SDK1: variants seen among roughly 807,000 people sequenced by gnomAD.
SDK1 encodes the protein sidekick cell adhesion molecule 1, also known as protein sidekick-1.
SDK1 carries 157 observed loss-of-function variants against 245.5 expected under a neutral mutation model. The ratio of observed to expected loss-of-function variants is 0.64; its 90% CI spans 0.56 to 0.73. The LOEUF (loss-of-function observed/expected upper bound fraction) is 0.73, where lower values mean the gene tolerates loss of function less well. Among genes scored for constraint, SDK1 ranks in the 30% least tolerant of loss-of-function variants. The pLI is 0.00. For synonymous variants in SDK1, 1,647 were observed against 1,278.5 expected, an observed-to-expected ratio of 1.29 and a Z score of -6.15; for missense variants, 3,583 against 3,002.3, an observed-to-expected ratio of 1.19 and a Z score of -4.52.
chr7:4,030,099 C>T (rs1020158251), intron 17 of SDK1, among the ~76,000 whole-genome samples: 5 of 152,096 alleles, frequency 3.3e-5, no homozygotes, highest in Admixed American at 6.5e-5. Flanking sequence ...GCTAGATGCG[C>T]GTCAAGCATC....
At chr7:4,097,891 T>G (rs1782264664) in intron 22 of SDK1, among the ~76,000 whole-genome samples, 1 of 152,198 alleles carries the variant, frequency 6.6e-6, no homozygotes, top group South Asian at 2.1e-4. Context: ...GAGCTGTCAT[T>G]GGCCCTAATG....
At chr7:4,173,339 G>A (rs549728587) in intron 32 of SDK1, among the ~76,000 whole-genome samples, 9 of 152,310 alleles carry the variant, frequency 5.9e-5, no homozygotes, top group African/African-American at 2.2e-4. Context: ...CTCAGTCTCA[G>A]ATTTGTCTCC....
intron 4 of SDK1, among the ~76,000 whole-genome samples, chr7:3,705,112 C>G (rs944241130): frequency 2.6e-5 from 4 of 152,118 alleles, no homozygotes; most frequent in Non-Finnish European, 4.4e-5. Flanking sequence ...AATTTGAAGT[C>G]TGGCAATGTG....
rs375741213 is a variant in SDK1 at position 3,353,744 on chromosome 7, AG to A, written c.298+51863del. On this transcript the variant is annotated intron_variant, in intron 1 of 44. Transcript: ENST00000404826. ...CAAGGATGATACAGTTCATGGTTAA[AG>A]GGAGCATGCTTCCTTTTGCTGGTGA... Among the ~76,000 whole-genome samples the A allele has an allele frequency of 2.9e-3, 447 of 152,320 alleles. 7 individuals are homozygous for A. Among genetic ancestry groups the A allele is most frequent in the African/African-American group, 0.01 (423 of 41,572 alleles).
intron 4 of SDK1, among the ~76,000 whole-genome samples, chr7:3,726,754 C>G (rs1301866281): frequency 1.3e-5 from 2 of 152,174 alleles, no homozygotes; most frequent in African/African-American, 2.4e-5. Flanking sequence ...TCCTCAGTAC[C>G]AGCAGACCTT....
chr7:4,091,584 C>A (rs1363691877), intron 22 of SDK1, among the ~76,000 whole-genome samples: 2 of 152,002 alleles, frequency 1.3e-5, no homozygotes, highest in Non-Finnish European at 2.9e-5. Context: ...CTCAGGTGAT[C>A]CACCCACCTC....
chr7:4,022,828 C>T (rs1787019541), intron 17 of SDK1, among the ~76,000 whole-genome samples: 1 of 147,966 alleles, frequency 6.8e-6, no homozygotes, highest in African/African-American at 2.5e-5. Flanking sequence ...GGCTGGAGTG[C>T]AGTGGCGCGA....
intron 25 of SDK1, among the ~76,000 whole-genome samples, chr7:4,116,346 A>G (rs563514774): frequency 5.3e-5 from 8 of 152,134 alleles, no homozygotes; most frequent in Non-Finnish European, 1.0e-4. Flanking sequence ...GGCCGGGGTG[A>G]GGAGTCTGCA....
chr7:4,201,759 C>A (rs556086315), intron 35 of SDK1, among the ~76,000 whole-genome samples: 18 of 152,274 alleles, frequency 1.2e-4, no homozygotes, highest in African/African-American at 4.3e-4. Flanking sequence ...TGGCATGGCA[C>A]AGGGTGGCTT....
At chr7:3,664,739 CAA>C (rs3083410) in intron 4 of SDK1, among the ~76,000 whole-genome samples, 4,113 of 123,452 alleles carry the variant, frequency 0.033, 144 homozygotes, top group African/African-American at 0.098. Flanking sequence ...GACTCTGTCT[CAA>C]AAAAAAAAAA....
chr7:3,738,436 T>A (rs1027596759), intron 4 of SDK1, among the ~76,000 whole-genome samples: 3 of 152,250 alleles, frequency 2.0e-5, no homozygotes, highest in African/African-American at 7.2e-5. Flanking sequence ...CTATGCTGTT[T>A]TGATTACTGT....
chr7:3,589,930 T>C (rs907554502), intron 1 of SDK1, among the ~76,000 whole-genome samples: 5 of 152,184 alleles, frequency 3.3e-5, no homozygotes, highest in African/African-American at 1.2e-4. Context: ...ATTGAGGTTA[T>C]GCAGAGTCTG....
chr7:3,446,480 T>A (rs1780345045), intron 1 of SDK1, among the ~76,000 whole-genome samples: 1 of 152,170 alleles, frequency 6.6e-6, no homozygotes, highest in South Asian at 2.1e-4. Flanking sequence ...TTTCTGCCAG[T>A]CCTTTCTTTG....
Position 4,008,115 on chromosome 7 carries a change from G to A in SDK1, c.2132-2851G>A, listed in dbSNP as rs914854573. 3.9e-5 allele frequency among the ~76,000 whole-genome samples: 6 copies of A among 152,236 alleles called. No homozygotes were observed. The South Asian group carries it at 1.2e-3, about 32-fold the overall frequency. ...TTTCTGTCTCTGTGAATTTGTTCTA[G>A]ATGTCTCATGCAAGTGGAATCATAC... On this transcript the variant is annotated intron_variant, in intron 14 of 44. Coordinates refer to ENST00000404826, the MANE Select transcript of SDK1 (RefSeq NM_152744.4).
intron 23 of SDK1, 86 bp downstream of exon 23, chr7:4,110,858 C>T (rs781560786): frequency 7.1e-5 from 61 of 860,772 alleles, no homozygotes; most frequent in African/African-American, 1.5e-4. Context: ...AAAACCCAGT[C>T]GTACGTATGC....
In SDK1 at chr7:4,055,597, C is replaced by T. The variant is rs1181841170; in HGVS notation, c.2911+3767C>T. Among the ~76,000 whole-genome samples, 7 of 151,576 alleles carry T rather than the reference C, an allele frequency of 4.6e-5. No homozygotes were observed. The East Asian group carries it at 1.2e-3, about 25-fold the overall frequency. The stretch of plus-strand genomic sequence containing the variant: ...TTAGAACCAGCCTCTTGTTCCAGGT[C>T]TCCTCTTCTTCATGGTCTCCTTCAT... On this transcript the variant is annotated intron_variant, in intron 19 of 44. Coordinates refer to ENST00000404826, the MANE Select transcript of SDK1 (RefSeq NM_152744.4).
At chr7:3,470,987 C>T (rs1033475873) in intron 1 of SDK1, among the ~76,000 whole-genome samples, 2 of 152,090 alleles carry the variant, frequency 1.3e-5, no homozygotes, top group South Asian at 2.1e-4. Flanking sequence ...TCTTTCTTTC[C>T]TCCTCCTTAT....
At chr7:3,690,214 TC>T (rs1445442668) in intron 4 of SDK1, among the ~76,000 whole-genome samples, 1 of 152,174 alleles carries the variant, frequency 6.6e-6, no homozygotes, top group Non-Finnish European at 1.5e-5. Flanking sequence ...CGCTAATGTT[TC>T]CAGGGCTTGC....
chr7:3,960,038 C>A (rs1207670743), intron 8 of SDK1, among the ~76,000 whole-genome samples: 2 of 152,190 alleles, frequency 1.3e-5, no homozygotes, highest in South Asian at 2.1e-4. Context: ...TTTGTTTATA[C>A]CCATCCGTCC....
Sources: gnomAD v4.1 joint callset for allele counts (sites outside exome capture counted in the v4.1 genomes callset) on GRCh38, gnomAD v4.1.1 for gene constraint, MANE v1.5 for transcripts, NCBI Gene and HGNC (gene_info 2026-07-23, HGNC 2026-07-21) for gene names.